Variants in SLC43A2 observed in about 807,000 individuals in gnomAD.
SLC43A2 encodes large neutral amino acids transporter small subunit 4.
SLC43A2 carries 38 observed loss-of-function variants against 63.2 expected under a neutral mutation model. The observed-to-expected ratio is 0.60, with a 90% CI of 0.46 to 0.79. The LOEUF (loss-of-function observed/expected upper bound fraction) is 0.79. Among genes scored for constraint, SLC43A2 ranks in the 30% least tolerant of loss-of-function variants. SLC43A2 has a pLI of 0.00. For missense variants in SLC43A2, 644 were observed against 756.2 expected (o/e 0.85, Z 1.74); for synonymous variants, 322 against 331.0 (o/e 0.97, Z 0.30).
At position 1,575,350 on chromosome 17, in the gene SLC43A2, C is replaced by T. The variant is rs2075905741; in HGVS notation, c.*254G>A. On this transcript the variant is annotated 3_prime_UTR_variant, in exon 14 of 14. Transcript: ENST00000301335. ...CCTGCTGCAGGCACCACAGAGACCCCAGGCCCCGGGTCCCCGGGGGGCGGC... is the reference window on the plus strand; with the variant it reads ...CCTGCTGCAGGCACCACAGAGACCCTAGGCCCCGGGTCCCCGGGGGGCGGC... 4 of 553,134 alleles carry T rather than the reference C, an allele frequency of 7.2e-6. No homozygotes were observed. The highest frequency in any genetic ancestry group is 3.9e-5 in the African/African-American group (2 of 51,536). The allele number at this position is 553,134 out of a possible 1,614,324, so 34.3% of individuals were successfully genotyped here.
At chr17:1,607,419 C>T (rs1906720419) in intron 5 of SLC43A2, among the ~76,000 whole-genome samples, 1 of 152,222 alleles carries the variant, frequency 6.6e-6, no homozygotes, top group Non-Finnish European at 1.5e-5. Context: ...TGTTGCTTAA[C>T]TGCTTCAGCC....
intron 2 of SLC43A2, among the ~76,000 whole-genome samples, chr17:1,618,206 T>C (rs918051338): frequency 2.0e-5 from 3 of 152,254 alleles, no homozygotes; most frequent in Admixed American, 2.0e-4. Flanking sequence ...GCCGTGTGGA[T>C]GAAGAGCGTG....
intron 2 of SLC43A2, 37 bp downstream of exon 2, chr17:1,627,678 T>A: frequency 9.7e-6 from 8 of 821,220 alleles, no homozygotes; most frequent in Non-Finnish European, 1.3e-5. Flanking sequence ...AAGCCCCAGC[T>A]CCAGGAGCCC....
At chr17:1,589,922 A>C (rs1904590270) in intron 9 of SLC43A2, among the ~76,000 whole-genome samples, 1 of 152,116 alleles carries the variant, frequency 6.6e-6, no homozygotes. Flanking sequence ...CCTGGCCTAG[A>C]CTACCATTTT....
At chr17:1,604,834 A>G in intron 5 of SLC43A2, 1 of 1,535,674 alleles carries the variant, frequency 6.5e-7, no homozygotes, top group Non-Finnish European at 8.7e-7. Context: ...GGTCATCCTG[A>G]CATCTGGGTC....
chr17:1,592,418 C>T (rs554231746), intron 6 of SLC43A2, among the ~76,000 whole-genome samples: 5 of 152,300 alleles, frequency 3.3e-5, no homozygotes, highest in South Asian at 4.1e-4. Flanking sequence ...CAGAGCAAGA[C>T]CCTGTTCCCC....
chr17:1,586,839 G>C (rs1390634187), intron 9 of SLC43A2: 1 of 1,233,678 alleles, frequency 8.1e-7, no homozygotes, highest in Non-Finnish European at 1.1e-6. Context: ...CACGGCTCTA[G>C]CCAGGAGGCA....
At chr17:1,587,092 G>GTTTCCCGCACCGCA in intron 9 of SLC43A2, 1 of 1,062,650 alleles carries the variant, frequency 9.4e-7, no homozygotes, top group Non-Finnish European at 1.4e-6. Flanking sequence ...CCCACACTGC[G>GTTTCCCGCACCGCA]TTTCCCGCAC....
chr17:1,604,636 G>A, intron 5 of SLC43A2: 1 of 1,252,778 alleles, frequency 8.0e-7, no homozygotes, highest in Non-Finnish European at 1.1e-6. Flanking sequence ...AGCCTCCTGA[G>A]CAGCTGAGAC....
In SLC43A2 at chr17:1,578,191, TC is replaced by T; in HGVS notation, c.1424+58del. On this transcript the variant is annotated intron_variant, in intron 12 of 13. Coordinates refer to ENST00000301335, the MANE Select transcript of SLC43A2 (RefSeq NM_152346.3). The surrounding 1 kb of genome is among the most constrained non-coding windows in gnomAD (Gnocchi z 6.5). Reference sequence around the variant, plus strand: ...CAGAGTCTCAGTCCCACCAGCAACCTCCCCCCGGCCATTCCCACACCCTCGC... The same window carrying T: ...CAGAGTCTCAGTCCCACCAGCAACCTCCCCCGGCCATTCCCACACCCTCGC... 4 of 1,544,968 alleles carry T rather than the reference TC, an allele frequency of 2.6e-6. No individual in the cohort carries two copies. The highest frequency in any genetic ancestry group is 4.5e-5 in the East Asian group (2 of 44,018).
At chr17:1,616,170 CA>C (rs1442510750) in intron 3 of SLC43A2, among the ~76,000 whole-genome samples, 1 of 151,856 alleles carries the variant, frequency 6.6e-6, no homozygotes, top group Non-Finnish European at 1.5e-5. Context: ...CTGTGGAAAC[CA>C]GTGTTGTTGG....
Position 1,590,898 on chromosome 17 carries a change from G to C in SLC43A2, c.982C>G (p.Leu328Val). The C allele has an allele frequency of 6.4e-7, 1 of 1,552,476 alleles. No homozygotes were observed. The highest frequency in any genetic ancestry group is 8.7e-7 in the Non-Finnish European group (1 of 1,147,486). Residue 328 changes from leucine to valine, a missense_variant, in exon 9 of 14, where the codon CTG (leucine) becomes GTG (valine). Around this residue, in one of 3 missense-constraint regions of SLC43A2, gnomAD observed 528 missense variants for 623.6 expected, o/e 0.85. Transcript: ENST00000301335. ...AGCTGCGTGACGCACATGGTGACCA[G>C]GCTGAGCAGCAGGATGGGGCTGAAC... ...SVFSPILLLS[L>V]VTMCVTQLRL...
At chr17:1,607,688 G>A (rs1357153469) in intron 5 of SLC43A2, among the ~76,000 whole-genome samples, 1 of 152,066 alleles carries the variant, frequency 6.6e-6, no homozygotes, top group Non-Finnish European at 1.5e-5. Flanking sequence ...CCAAGGGTTG[G>A]CAAACTTTTT....
At chr17:1,614,467 G>C (rs1907410931) in intron 4 of SLC43A2, among the ~76,000 whole-genome samples, 1 of 10,046 alleles carries the variant, frequency 1.0e-4, no homozygotes, top group African/African-American at 1.8e-4. Context: ...GCGAGCAGGA[G>C]GCCTAAGAAA....
chr17:1,593,024 TTTTCA>T lies in SLC43A2; in HGVS notation c.594+158_594+162del, dbSNP rs553261890. ...ATTCCCGTCCCCTGAGGCCCCGCGGTTTTCATTTGTCGCCCCTGTGATGCCCAGGT... is the reference window on the plus strand; with the variant it reads ...ATTCCCGTCCCCTGAGGCCCCGCGGTTTTGTCGCCCCTGTGATGCCCAGGT... On this transcript the variant is annotated intron_variant, in intron 6 of 13. Transcript: ENST00000301335. The surrounding 1 kb of genome is among the most constrained non-coding windows in gnomAD (Gnocchi z 5.3). Among the ~76,000 whole-genome samples the T allele has an allele frequency of 2.0e-5, 3 of 151,896 alleles. No individual in the cohort carries two copies. Among genetic ancestry groups the T allele is most frequent in the Admixed American group, 6.6e-5 (1 of 15,262 alleles).
chr17:1,605,004 G>A lies in SLC43A2; in HGVS notation c.501+8191C>T. On this transcript the variant is annotated intron_variant, in intron 5 of 13. Coordinates refer to ENST00000301335, the MANE Select transcript of SLC43A2 (RefSeq NM_152346.3). The surrounding 1 kb of genome is among the most constrained non-coding windows in gnomAD (Gnocchi z 4.9). ...GGCCTCGAGGGCTGGCGGAGGGGAA[G>A]GACCCCAGGAGGGGAAGGACCAGCT... 7.0e-7 allele frequency: 1 copy of A among 1,438,482 alleles called. No homozygotes were observed. The highest frequency in any genetic ancestry group is 9.1e-7 in the Non-Finnish European group (1 of 1,096,800). 89.1% of individuals were successfully genotyped at this position (1,438,482 alleles called of 1,614,324 possible).
chr17:1,576,870 T>G (rs563701577), intron 12 of SLC43A2, 150 bp from the exon 13 acceptor site: 147 of 980,164 alleles, frequency 1.5e-4, no homozygotes, highest in South Asian at 2.4e-4. Context: ...TCTGTTTTTT[T>G]TTTTTTTTTT....
Position 1,583,221 on chromosome 17 carries a change from G to A in SLC43A2, c.1333C>T (p.Pro445Ser). ...LVGFGVTCLIPNLPLQILSFI... is the reference protein window; with the variant it reads ...LVGFGVTCLISNLPLQILSFI... ...ACACCCACCTGGAGAGGCAGGTTGG[G>A]AATGAGGCAGGTCACCCCAAAGCCC... Residue 445 changes from proline to serine, a missense_variant, in exon 11 of 14, where the codon CCC (proline) becomes TCC (serine). Physicochemically the swap from Pro to Ser is moderately conservative, Grantham distance 74 (BLOSUM62 -1). Coordinates refer to ENST00000301335, the MANE Select transcript of SLC43A2 (RefSeq NM_152346.3). This position sits in a 1 kb window ranked among gnomAD's most constrained non-coding sequence, Gnocchi z 5.5. 1 of 1,614,066 alleles carries A rather than the reference G, an allele frequency of 6.2e-7. No individual in the cohort carries two copies. The highest frequency in any genetic ancestry group is 8.5e-7 in the Non-Finnish European group (1 of 1,179,990).
At chr17:1,579,608 G>A (rs2075982442) in intron 11 of SLC43A2, among the ~76,000 whole-genome samples, 1 of 152,064 alleles carries the variant, frequency 6.6e-6, no homozygotes, top group African/African-American at 2.4e-5. Flanking sequence ...GGGAGGCCTG[G>A]GAGGATCACT....
Sources: gnomAD v4.1 joint callset for allele counts (sites outside exome capture counted in the v4.1 genomes callset) on GRCh38, gnomAD v4.1.1 for gene constraint, gnomAD v4.1.1 regional missense constraint, Gnocchi (gnomAD v3.1) non-coding constraint, MANE v1.5 for transcripts, NCBI Gene and HGNC (gene_info 2026-07-23, HGNC 2026-07-21) for gene names.